The following RANBP2 variants were observed in gnomAD, a reference collection of about 807,000 sequenced individuals.
RANBP2 encodes the protein E3 SUMO-protein ligase RanBP2.
In RANBP2, 57 loss-of-function variants were observed where a neutral mutation model predicts 303.6. That is an observed-to-expected ratio of 0.19 (90% CI 0.15 to 0.23). The LOEUF (loss-of-function observed/expected upper bound fraction) is 0.23. Among genes scored for constraint, RANBP2 ranks in the 10% least tolerant of loss-of-function variants. The pLI, the probability that RANBP2 is intolerant of heterozygous loss-of-function variation, is 1.00. For synonymous variants in RANBP2, 1,167 were observed against 1,301.5 expected, an observed-to-expected ratio of 0.90 and a Z score of 2.23; for missense variants, 3,138 against 3,780.8, an observed-to-expected ratio of 0.83 and a Z score of 4.46.
the RANBP2 span, among the ~76,000 whole-genome samples, chr2:109,651,700 A>G: frequency 6.6e-6 from 1 of 152,292 alleles, no homozygotes; most frequent in African/African-American, 2.4e-5. Context: ...ACTTAGAACA[A>G]AATTGGAAGA....
chr2:109,474,611 G>C, the RANBP2 span, among the ~76,000 whole-genome samples: 1 of 152,144 alleles, frequency 6.6e-6, no homozygotes, highest in Non-Finnish European at 1.5e-5. Flanking sequence ...GGTTTGGGCA[G>C]GGGGGGAGAA....
chr2:109,484,165 C>G, the RANBP2 span, among the ~76,000 whole-genome samples: 1 of 150,960 alleles, frequency 6.6e-6, no homozygotes, highest in Admixed American at 6.6e-5. Context: ...CTTCTGGGTT[C>G]AAGCGATTCT....
chr2:108,932,589 G>A, the RANBP2 span, among the ~76,000 whole-genome samples: 1 of 148,680 alleles, frequency 6.7e-6, no homozygotes, highest in African/African-American at 2.5e-5. Context: ...AAGGAGGTGA[G>A]AGCTGTGTAA....
At chr2:108,932,668 C>A in the RANBP2 span, among the ~76,000 whole-genome samples, 2 of 151,854 alleles carry the variant, frequency 1.3e-5, no homozygotes, top group Non-Finnish European at 2.9e-5. Context: ...CTGACATGGA[C>A]AATCTTCTTT....
the RANBP2 span, among the ~76,000 whole-genome samples, chr2:109,010,039 A>C: frequency 1.3e-5 from 2 of 152,166 alleles, no homozygotes; most frequent in Non-Finnish European, 2.9e-5. Context: ...AAAGTATTTA[A>C]CAGTTCTTCT....
At chr2:109,307,786 G>A in the RANBP2 span, among the ~76,000 whole-genome samples, 1 of 148,012 alleles carries the variant, frequency 6.8e-6, no homozygotes, top group Non-Finnish European at 1.5e-5. Context: ...GTACTCCATG[G>A]TGTATATGTG....
At chr2:109,306,906 C>T in the RANBP2 span, among the ~76,000 whole-genome samples, 4 of 152,140 alleles carry the variant, frequency 2.6e-5, no homozygotes, top group Admixed American at 6.5e-5. Context: ...GGTAGGGCCG[C>T]GGCATGCATG....
the RANBP2 span, among the ~76,000 whole-genome samples, chr2:108,921,705 C>A: frequency 6.6e-6 from 1 of 152,164 alleles, no homozygotes; most frequent in Non-Finnish European, 1.5e-5. Flanking sequence ...CCAGGGCAGG[C>A]CCAGGGGTGG....
chr2:108,955,275 T>C, the RANBP2 span, among the ~76,000 whole-genome samples: 1 of 152,194 alleles, frequency 6.6e-6, no homozygotes, highest in East Asian at 1.9e-4. Flanking sequence ...AATGAGATGA[T>C]GTGTATAAAG....
chr2:109,501,857 A>G, the RANBP2 span: 1 of 579,132 alleles, frequency 1.7e-6, no homozygotes, highest in African/African-American at 1.9e-5. Context: ...AAAACCCCCA[A>G]ACGGAGAGCA....
chr2:109,671,621 C>T, the RANBP2 span, among the ~76,000 whole-genome samples: 1 of 152,144 alleles, frequency 6.6e-6, no homozygotes, highest in Non-Finnish European at 1.5e-5. Context: ...TTATCTCACT[C>T]TTAGCAAAAT....
the RANBP2 span, among the ~76,000 whole-genome samples, chr2:109,188,330 C>T: frequency 1.3e-5 from 2 of 152,186 alleles, no homozygotes; most frequent in Admixed American, 6.5e-5. Flanking sequence ...TGGCCTGGAG[C>T]GTGGTCTCTT....
chr2:108,728,595 T>TATGATG (rs56238649), intron 1 of RANBP2, among the ~76,000 whole-genome samples: 2,939 of 145,698 alleles, frequency 0.02, 63 homozygotes, highest in African/African-American at 0.053. Flanking sequence ...CCAGCTTATT[T>TATGATG]ATGATGATGA....
the RANBP2 span, among the ~76,000 whole-genome samples, chr2:109,557,408 T>C: frequency 9.2e-5 from 14 of 152,302 alleles, no homozygotes; most frequent in South Asian, 2.9e-3. Context: ...GAACAAGCCC[T>C]GACATTCTAA....
the RANBP2 span, among the ~76,000 whole-genome samples, chr2:109,377,606 T>C: frequency 6.6e-6 from 1 of 152,190 alleles, no homozygotes; most frequent in East Asian, 1.9e-4. Flanking sequence ...CTGGAAAAAA[T>C]AATGGCAGCC....
At chr2:109,680,328 G>A in the RANBP2 span, among the ~76,000 whole-genome samples, 2 of 151,212 alleles carry the variant, frequency 1.3e-5, no homozygotes, top group Admixed American at 1.3e-4. Context: ...AAGAGATCAC[G>A]CCACTGCACT....
chr2:108,789,188 A>G (rs921294510), downstream of RANBP2, among the ~76,000 whole-genome samples: 1 of 152,216 alleles, frequency 6.6e-6, no homozygotes, highest in African/African-American at 2.4e-5. Context: ...TTAGTGGCAT[A>G]ATGGAAAGTT....
the RANBP2 span, among the ~76,000 whole-genome samples, chr2:109,406,431 G>A: frequency 1.3e-5 from 2 of 152,052 alleles, no homozygotes; most frequent in Admixed American, 6.5e-5. Flanking sequence ...GCTATATCAC[G>A]TAATAAGCAG....
At chr2:109,089,972 A>T in the RANBP2 span, among the ~76,000 whole-genome samples, 2 of 152,058 alleles carry the variant, frequency 1.3e-5, no homozygotes, top group Admixed American at 6.6e-5. Context: ...GCAAACTGGC[A>T]GTTCAAATTA....
Sources: allele counts gnomAD v4.1 joint callset (sites outside exome capture counted in the v4.1 genomes callset), GRCh38; gene constraint gnomAD v4.1.1; transcripts MANE v1.5; gene names NCBI Gene and HGNC (gene_info 2026-07-23, HGNC 2026-07-21).